CADM2: variants seen among roughly 807,000 people sequenced by gnomAD.
CADM2 encodes the protein cell adhesion molecule 2.
In CADM2, 12 loss-of-function variants were observed where a neutral mutation model predicts 49.8. The observed-to-expected ratio is 0.24, with a 90% CI of 0.15 to 0.39. The LOEUF (loss-of-function observed/expected upper bound fraction) is 0.39, where lower values mean the gene tolerates loss of function less well. Among genes scored for constraint, CADM2 ranks in the 10% least tolerant of loss-of-function variants. The probability of loss-of-function intolerance (pLI) is 1.00; values close to 1 mark genes in which losing one functional copy is unlikely to be tolerated. For synonymous variants in CADM2, 214 were observed against 175.4 expected, an observed-to-expected ratio of 1.22 and a Z score of -1.74; for missense variants, 378 against 492.3, an observed-to-expected ratio of 0.77 and a Z score of 2.20.
rs1027206837 is a variant in CADM2 at position 85,296,373 on chromosome 3, G to A, written c.61+336705G>A. On this transcript the variant is annotated intron_variant, in intron 1 of 9. Transcript: ENST00000383699. ...TTAATATTTTTTAGAGTTCTAAAGA[G>A]AGATTCTTACCAATATCTAGTTGTG... Among the ~76,000 whole-genome samples the A allele has an allele frequency of 1.3e-5, 2 of 151,948 alleles. 1 individual carries two copies. Among genetic ancestry groups the A allele is most frequent in the Admixed American group, 1.3e-4 (2 of 15,228 alleles).
chr3:85,645,694 A>C (rs2064862074), intron 1 of CADM2, among the ~76,000 whole-genome samples: 1 of 152,020 alleles, frequency 6.6e-6, no homozygotes, highest in Admixed American at 6.6e-5. Flanking sequence ...GAACTTTTTT[A>C]AAAGTAAAAA....
At chr3:85,929,876 G>A (rs1282906085) in intron 6 of CADM2, among the ~76,000 whole-genome samples, 1 of 151,862 alleles carries the variant, frequency 6.6e-6, no homozygotes, top group Non-Finnish European at 1.5e-5. Flanking sequence ...ATTCTCTTAT[G>A]TATGATAAAG....
intron 3 of CADM2, among the ~76,000 whole-genome samples, chr3:85,860,582 G>C (rs2075490465): frequency 6.6e-6 from 1 of 152,112 alleles, no homozygotes; most frequent in Admixed American, 6.5e-5. Context: ...CTCTGGTGAG[G>C]GCCTGCTTTC....
intron 1 of CADM2, among the ~76,000 whole-genome samples, chr3:85,329,297 G>T (rs1175924424): frequency 6.6e-6 from 1 of 152,010 alleles, no homozygotes; most frequent in Non-Finnish European, 1.5e-5. Context: ...AGCACTTTCG[G>T]AGGCCGAGGG....
chr3:85,095,711 AAT>A (rs1279140976), intron 1 of CADM2, among the ~76,000 whole-genome samples: 1 of 152,170 alleles, frequency 6.6e-6, no homozygotes, highest in Non-Finnish European at 1.5e-5. Flanking sequence ...CTACTAGAGA[AAT>A]ATGTTCAAAT....
intron 1 of CADM2, among the ~76,000 whole-genome samples, chr3:85,442,589 T>C (rs1236481063): frequency 1.1e-3 from 2 of 1,848 alleles, no homozygotes; most frequent in African/African-American, 1.4e-3. Flanking sequence ...TATATATGAG[T>C]ATATATATAT....
At chr3:84,960,062 A>G in intron 1 of CADM2, 1 of 269,452 alleles carries the variant, frequency 3.7e-6, no homozygotes. Context: ...GACCCTCTCC[A>G]TCTCTTGTCA....
chr3:85,282,202 TTGTC>T (rs2043516965), intron 1 of CADM2, among the ~76,000 whole-genome samples: 2 of 151,566 alleles, frequency 1.3e-5, no homozygotes, highest in South Asian at 2.1e-4. Flanking sequence ...TTAGATATTA[TTGTC>T]TGTGCTGCCA....
intron 2 of CADM2, among the ~76,000 whole-genome samples, chr3:85,774,828 A>T (rs1319500497): frequency 6.6e-6 from 1 of 151,754 alleles, no homozygotes; most frequent in African/African-American, 2.4e-5. Context: ...ACACTCGGAA[A>T]GTAGCAGAGT....
chr3:85,179,799 C>T (rs935449757), intron 1 of CADM2, among the ~76,000 whole-genome samples: 11 of 151,920 alleles, frequency 7.2e-5, no homozygotes, highest in African/African-American at 2.4e-4. Context: ...AATAAAAATG[C>T]GAAGCCAACC....
chr3:85,374,075 G>GTTT (rs369129919), intron 1 of CADM2, among the ~76,000 whole-genome samples: 1 of 148,954 alleles, frequency 6.7e-6, no homozygotes, highest in African/African-American at 2.5e-5. Flanking sequence ...CTCAGAAAAT[G>GTTT]TTTTTTTTTT....
At position 85,128,377 on chromosome 3, in the gene CADM2, C is replaced by A. The variant is rs369249240; in HGVS notation, c.61+168709C>A. 2.0e-5 allele frequency among the ~76,000 whole-genome samples: 3 copies of A among 152,056 alleles called. No individual in the cohort carries two copies. In the East Asian group the frequency reaches 5.8e-4, roughly 29 times the overall value. The stretch of plus-strand genomic sequence containing the variant: ...TATGAAGAAGAAAATTATTAGGATA[C>A]CAGAAGTTGTATTTAATTTTTTGTT... On this transcript the variant is annotated intron_variant, in intron 1 of 9. Transcript: ENST00000383699.
At chr3:85,598,178 A>G (rs2107376969) in intron 1 of CADM2, among the ~76,000 whole-genome samples, 1 of 152,132 alleles carries the variant, frequency 6.6e-6, no homozygotes, top group East Asian at 1.9e-4. Context: ...AATAAAAATA[A>G]AAAACACAAG....
intron 1 of CADM2, among the ~76,000 whole-genome samples, chr3:85,253,553 A>C (rs529928816): frequency 3.3e-5 from 5 of 152,172 alleles, no homozygotes; most frequent in African/African-American, 1.2e-4. Context: ...GCACAAGATG[A>C]TCTCTGCCTA....
At chr3:85,212,626 A>G (rs1442042840) in intron 1 of CADM2, among the ~76,000 whole-genome samples, 1 of 151,860 alleles carries the variant, frequency 6.6e-6, no homozygotes, top group Non-Finnish European at 1.5e-5. Flanking sequence ...TGTTGCATCT[A>G]TTTATATGTT....
chr3:85,517,197 A>C (rs769676470), intron 1 of CADM2, among the ~76,000 whole-genome samples: 4 of 152,044 alleles, frequency 2.6e-5, no homozygotes, highest in African/African-American at 7.2e-5. Context: ...TTAAAAAAAA[A>C]CACTAAATTT....
At chr3:85,921,106 A>C (rs1719047323) in intron 6 of CADM2, among the ~76,000 whole-genome samples, 1 of 151,938 alleles carries the variant, frequency 6.6e-6, no homozygotes, top group South Asian at 2.1e-4. Flanking sequence ...GATAAAAATG[A>C]GACATAAATG....
chr3:85,682,784 T>G (rs2107660867), intron 1 of CADM2, among the ~76,000 whole-genome samples: 1 of 152,214 alleles, frequency 6.6e-6, no homozygotes, highest in Non-Finnish European at 1.5e-5. Flanking sequence ...GAATCCCACT[T>G]TGTTAAAGTC....
intron 1 of CADM2, among the ~76,000 whole-genome samples, chr3:85,243,595 T>C (rs1337540322): frequency 6.6e-6 from 1 of 152,078 alleles, no homozygotes; most frequent in African/African-American, 2.4e-5. Flanking sequence ...ATTATCTCAT[T>C]TGGTCTTGAA....
Sources: allele counts gnomAD v4.1 joint callset (sites outside exome capture counted in the v4.1 genomes callset), GRCh38; gene constraint gnomAD v4.1.1; transcripts MANE v1.5; gene names NCBI Gene and HGNC (gene_info 2026-07-23, HGNC 2026-07-21).